Variants in NOX1 observed in about 807,000 individuals in gnomAD.
The protein encoded by NOX1 is NADH/NADPH mitogenic oxidase subunit P65-MOX.
In NOX1, 34 loss-of-function variants were observed where a neutral mutation model predicts 42.5. The observed-to-expected ratio is 0.80, with a 90% CI of 0.61 to 1.07. The LOEUF (loss-of-function observed/expected upper bound fraction) is 1.07, where lower values mean the gene tolerates loss of function less well. Among genes scored for constraint, NOX1 ranks in the 50% least tolerant of loss-of-function variants. The pLI is 0.00. For missense variants in NOX1, 408 were observed against 427.0 expected (o/e 0.96, Z 0.39); for synonymous variants, 143 against 152.5 (o/e 0.94, Z 0.46).
Position 100,849,217 on chromosome X carries a change from C to T in NOX1, c.1443+63G>A, listed in dbSNP as rs1037042194. The T allele has an allele frequency of 8.8e-6, 10 of 1,130,652 alleles. No individual in the cohort carries two copies. In the African/African-American group the frequency reaches 1.8e-4, roughly 20 times the overall value. The allele number at this position is 1,130,652 out of a possible 1,213,427, so 93.2% of individuals were successfully genotyped here. ...AGAAATAACTTCTAATCCATATGCA[C>T]TATCCTTTGTCTGACATTCGTCTTA... On this transcript the variant is annotated intron_variant, in intron 11 of 12. Transcript: ENST00000372966.
rs2085113212 is a variant in NOX1 at position 100,851,325 on chromosome X, A to G, written c.805T>C (p.Ser269Pro). 2 of 1,120,480 alleles carry G rather than the reference A, an allele frequency of 1.8e-6. No individual in the cohort carries two copies. The highest frequency in any genetic ancestry group is 2.4e-6 in the Non-Finnish European group (2 of 824,536). The allele number at this position is 1,120,480 out of a possible 1,213,427, so 92.3% of individuals were successfully genotyped here. ...ACCGGTGCAAGGATCCACTTCCAAG[A>G]CTGCACAGAGACAGGGTTAAGAATG... ...RPKFEGHPPE[S>P]WKWILAPVIL... The change falls in exon 8 of 13, where the codon TCT becomes CCT. Residue 269 changes from serine (S) to proline (P), a missense_variant and splice_region_variant. Ser to Pro is a moderately conservative substitution (Grantham distance 74). Transcript: ENST00000372966.
chrX:100,870,230 A>G (rs1463716872), intron 2 of NOX1, among the ~76,000 whole-genome samples: 2 of 108,567 alleles, frequency 1.8e-5, no homozygotes, highest in Non-Finnish European at 3.8e-5. Context: ...TAGTTTCAGA[A>G]GAATGGTACC....
At chrX:100,853,307 T>TTTCTTTCC (rs2085136555) in intron 7 of NOX1, among the ~76,000 whole-genome samples, 1 of 90,528 alleles carries the variant, frequency 1.1e-5, no homozygotes, top group Non-Finnish European at 2.1e-5. Flanking sequence ...TCTTTCTTTC[T>TTTCTTTCC]TTCTTTCTTT....
At chrX:100,866,322 C>G (rs1225675218) in intron 2 of NOX1, among the ~76,000 whole-genome samples, 1 of 111,117 alleles carries the variant, frequency 9.0e-6, no homozygotes, top group Non-Finnish European at 1.9e-5. Context: ...AAACAAAAAG[C>G]TGTGTGTCTT....
At chrX:100,855,731 A>G in intron 7 of NOX1, 1 of 1,026,455 alleles carries the variant, frequency 9.7e-7, no homozygotes, top group Non-Finnish European at 1.4e-6. Context: ...CAAAGCCACC[A>G]TGACCACTGA....
At chrX:100,865,398 T>C (rs774742534) in intron 2 of NOX1, among the ~76,000 whole-genome samples, 4 of 112,820 alleles carry the variant, frequency 3.5e-5, no homozygotes, top group Non-Finnish European at 5.6e-5. Flanking sequence ...GAAAACATTT[T>C]TTCCTCGTTG....
rs377611734 is a variant in NOX1, at chrX:100,862,158, G to T, written c.804+13C>A. 8.3e-7 allele frequency: 1 copy of T among 1,210,197 alleles called. No homozygotes were observed. The highest frequency in any genetic ancestry group is 1.1e-6 in the Non-Finnish European group (1 of 894,112). On this transcript the variant is annotated intron_variant, in intron 7 of 12. Coordinates refer to ENST00000372966, the MANE Select transcript of NOX1 (RefSeq NM_007052.5). ...TCCTAACAAGAGTCTGTCCTTGCCC[G>T]TAGGGCTCTTACCTCAGGGGGATGC...
At position 100,853,308 on chromosome X, in the gene NOX1, T is replaced by TTCTCTCTCTTTC. The variant is rs1261090414; in HGVS notation, c.805-1984_805-1983insGAAAGAGAGAGA. ...TTTCTTTCTTTCTTTCTTTCTTTCT[T>TTCTCTCTCTTTC]TCTTTCTTTCTTTCTCTCTCTTTCT... On this transcript the variant is annotated intron_variant, in intron 7 of 12. Coordinates refer to ENST00000372966, the MANE Select transcript of NOX1 (RefSeq NM_007052.5). 5.3e-3 allele frequency among the ~76,000 whole-genome samples: 438 copies of TTCTCTCTCTTTC among 82,783 alleles called. 2 individuals carry two copies. Among genetic ancestry groups the TTCTCTCTCTTTC allele is most frequent in the East Asian group, 8.4e-3 (23 of 2,730 alleles). The allele number at this position is 82,783 out of a possible 115,157, so 71.9% of individuals were successfully genotyped here. A position where few individuals can be genotyped will look rare whatever the true frequency, so the allele number is the denominator to read the frequency against.
In NOX1 at chrX:100,848,623, T is replaced by C. The variant is rs1352873887; in HGVS notation, c.1568+7A>G. The C allele has an allele frequency of 8.3e-7, 1 of 1,207,646 alleles. No homozygotes were observed. Among genetic ancestry groups the C allele is most frequent in the East Asian group, 3.0e-5 (1 of 33,642 alleles). ...AAACTCATCTTACTAGAGGAAAATA[T>C]ACTTACTTGGGGTGGGAGGTAGCTA... On this transcript the variant is annotated splice_region_variant and intron_variant, in intron 12 of 12. Transcript: ENST00000372966.
intron 12 of NOX1, among the ~76,000 whole-genome samples, chrX:100,844,621 T>C (rs72552306): frequency 0.055 from 6,068 of 109,996 alleles, 455 homozygotes; most frequent in African/African-American, 0.19. Context: ...TTATTAGAGA[T>C]GGGGTTTCAC....
chrX:100,848,352 G>A (rs1602380539), intron 12 of NOX1, among the ~76,000 whole-genome samples: 1 of 110,342 alleles, frequency 9.1e-6, no homozygotes, highest in Admixed American at 9.6e-5. Context: ...GTGCAATGGC[G>A]CTATCTCAGC....
chrX:100,867,973 GA>G lies in NOX1; in HGVS notation c.141+2745del, dbSNP rs201595306. On this transcript the variant is annotated intron_variant, in intron 2 of 12. Coordinates refer to ENST00000372966, the MANE Select transcript of NOX1 (RefSeq NM_007052.5). ...ATGTAAACAATTTTTAAATAATTTT[GA>G]AAAAAAAATGTCCATGGGACATCAG... 2.2e-3 allele frequency among the ~76,000 whole-genome samples: 244 copies of G among 109,137 alleles called. 1 individual carries two copies. The highest frequency in any genetic ancestry group is 7.6e-3 in the African/African-American group (229 of 30,035). 94.8% of individuals were successfully genotyped at this position (109,137 alleles called of 115,157 possible).
At chrX:100,846,067 T>G (rs1235380899) in intron 12 of NOX1, among the ~76,000 whole-genome samples, 1 of 110,481 alleles carries the variant, frequency 9.1e-6, no homozygotes, top group Admixed American at 9.6e-5. Flanking sequence ...ATTACAGGCA[T>G]GAGCCACCAC....
intron 1 of NOX1, among the ~76,000 whole-genome samples, chrX:100,871,023 C>A (rs780801707): frequency 1.8e-5 from 2 of 112,253 alleles, no homozygotes; most frequent in Non-Finnish European, 3.8e-5. Flanking sequence ...AGAGCAGGGT[C>A]AGCAAACTGA....
At chrX:100,863,291 T>C in intron 3 of NOX1, 48 bp from the exon 4 acceptor site, 2 of 1,034,996 alleles carry the variant, frequency 1.9e-6, no homozygotes, top group Non-Finnish European at 2.7e-6. Context: ...CCAGCTTTAT[T>C]AAATTCACTA....
intron 7 of NOX1, among the ~76,000 whole-genome samples, chrX:100,853,248 TC>T (rs2085127572): frequency 2.2e-5 from 1 of 44,935 alleles, no homozygotes; most frequent in African/African-American, 1.3e-4. Flanking sequence ...TTTCTTTCCT[TC>T]CTTCCTTCCT....
chrX:100,862,889 G>T, intron 4 of NOX1, 69 bp from the exon 5 acceptor site: 1 of 989,239 alleles, frequency 1.0e-6, no homozygotes, highest in Admixed American at 2.7e-5. Flanking sequence ...TGCCCCACTA[G>T]ACTAGAAGAA....
In NOX1 at chrX:100,851,307, C is replaced by T; in HGVS notation, c.823G>A (p.Ala275Thr). Residue 275 changes from alanine to threonine, a missense_variant, in exon 8 of 13, where the codon GCA becomes ACA. Physicochemically the swap from Ala to Thr is moderately conservative, Grantham distance 58 (BLOSUM62 0). Coordinates refer to ENST00000372966, the MANE Select transcript of NOX1 (RefSeq NM_007052.5). The stretch of plus-strand genomic sequence containing the variant: ...TCACAGATATAAAGAATGACCGGTG[C>T]AAGGATCCACTTCCAAGACTGCACA... Reference protein sequence around the residue: ...HPPESWKWILAPVILYICERI... With the variant: ...HPPESWKWILTPVILYICERI... 1 of 1,172,060 alleles carries T rather than the reference C, an allele frequency of 8.5e-7. No homozygotes were observed. The highest frequency in any genetic ancestry group is 3.0e-5 in the East Asian group (1 of 33,062).
chrX:100,846,569 T>G (rs1339138380), intron 12 of NOX1, among the ~76,000 whole-genome samples: 4 of 111,037 alleles, frequency 3.6e-5, no homozygotes, highest in Non-Finnish European at 7.6e-5. Context: ...GTTTGTCTTT[T>G]TCCCTTCCCA....
Sources: allele counts gnomAD v4.1 joint callset (sites outside exome capture counted in the v4.1 genomes callset), GRCh38; gene constraint gnomAD v4.1.1; transcripts MANE v1.5; gene names NCBI Gene and HGNC (gene_info 2026-07-23, HGNC 2026-07-21).